The following CAST variants were observed in gnomAD, a reference collection of about 807,000 sequenced individuals.
CAST encodes the protein MIR583 host.
In CAST, 76 loss-of-function variants were observed where a neutral mutation model predicts 119.6. The ratio of observed to expected loss-of-function variants is 0.64; its 90% CI spans 0.53 to 0.77. CAST has a LOEUF of 0.77. CAST is among the 30% of genes least tolerant of loss of function. The pLI is 0.00. For synonymous variants in CAST, 319 were observed against 331.6 expected (o/e 0.96, Z 0.41); for missense variants, 953 against 946.5 (o/e 1.01, Z -0.09).
chr5:96,705,740 C>T (rs1461280625), intron 3 of CAST, among the ~76,000 whole-genome samples: 1 of 152,066 alleles, frequency 6.6e-6, no homozygotes, highest in East Asian at 1.9e-4. Flanking sequence ...GTAACAGCTA[C>T]ATTTACTGAA....
chr5:96,179,807 C>T, the CAST span, among the ~76,000 whole-genome samples: 7 of 152,162 alleles, frequency 4.6e-5, no homozygotes, highest in African/African-American at 1.4e-4. Context: ...GAGGCCGAGG[C>T]GGGTGGATCA....
chr5:95,974,464 T>G, the CAST span, among the ~76,000 whole-genome samples: 1 of 152,232 alleles, frequency 6.6e-6, no homozygotes, highest in Non-Finnish European at 1.5e-5. Flanking sequence ...TATTTCTTCC[T>G]GAAAAACAAA....
At chr5:96,287,599 T>C in the CAST span, among the ~76,000 whole-genome samples, 1 of 152,184 alleles carries the variant, frequency 6.6e-6, no homozygotes, top group Admixed American at 6.5e-5. Flanking sequence ...CAGATCTATT[T>C]GCATTTGTCC....
chr5:96,448,707 A>G, the CAST span, among the ~76,000 whole-genome samples: 1 of 152,080 alleles, frequency 6.6e-6, no homozygotes, highest in African/African-American at 2.4e-5. Context: ...GCCCAGGTTT[A>G]CCATATTCAC....
the CAST span, among the ~76,000 whole-genome samples, chr5:96,495,480 C>T: frequency 6.6e-6 from 1 of 152,110 alleles, no homozygotes; most frequent in East Asian, 1.9e-4. Context: ...CATGTGTTCT[C>T]ATTGTTCAGC....
intron 1 of CAST, among the ~76,000 whole-genome samples, chr5:96,666,284 C>CACCA (rs1335551672): frequency 1.6e-4 from 19 of 121,386 alleles, no homozygotes; most frequent in African/African-American, 6.9e-4. Flanking sequence ...ACACACCACA[C>CACCA]AACTCTGCAG....
intron 1 of CAST, among the ~76,000 whole-genome samples, chr5:96,555,633 A>G (rs1393993073): frequency 6.6e-6 from 1 of 152,188 alleles, no homozygotes; most frequent in African/African-American, 2.4e-5. Context: ...CATTGCTAGC[A>G]TAGCAGTCTG....
the CAST span, among the ~76,000 whole-genome samples, chr5:96,358,188 A>G: frequency 5.9e-5 from 9 of 152,028 alleles, no homozygotes; most frequent in African/African-American, 2.2e-4. Flanking sequence ...CCCCTCTATC[A>G]TTTTTTATTG....
the CAST span, among the ~76,000 whole-genome samples, chr5:96,281,614 C>A: frequency 6.6e-6 from 1 of 152,128 alleles, no homozygotes; most frequent in Non-Finnish European, 1.5e-5. Context: ...TCTGCCTTGC[C>A]ATCCCTGGTT....
chr5:96,078,551 G>A, the CAST span, among the ~76,000 whole-genome samples: 2 of 152,036 alleles, frequency 1.3e-5, no homozygotes, highest in African/African-American at 2.4e-5. Flanking sequence ...GTGCCACCAC[G>A]CCCGGCTAAT....
the CAST span, among the ~76,000 whole-genome samples, chr5:96,356,940 A>G: frequency 6.6e-6 from 1 of 152,118 alleles, no homozygotes; most frequent in African/African-American, 2.4e-5. Flanking sequence ...CCATTTTCAC[A>G]ATATTGATTC....
At chr5:96,438,341 A>G in the CAST span, among the ~76,000 whole-genome samples, 3 of 152,160 alleles carry the variant, frequency 2.0e-5, no homozygotes, top group Admixed American at 2.0e-4. Context: ...TATTAGCTAA[A>G]CCAAAACATT....
chr5:95,976,592 A>G, the CAST span, among the ~76,000 whole-genome samples: 2 of 152,098 alleles, frequency 1.3e-5, no homozygotes, highest in African/African-American at 4.8e-5. Context: ...ATACACTCCT[A>G]TCTCTTGTTT....
At chr5:96,459,037 T>C in the CAST span, among the ~76,000 whole-genome samples, 1 of 152,186 alleles carries the variant, frequency 6.6e-6, no homozygotes, top group Non-Finnish European at 1.5e-5. Flanking sequence ...TTTTTCATGT[T>C]TTGGTACCTA....
chr5:96,434,323 G>A, the CAST span, among the ~76,000 whole-genome samples: 4 of 152,322 alleles, frequency 2.6e-5, no homozygotes, highest in South Asian at 6.2e-4. Flanking sequence ...CAGCACCGAG[G>A]TCTGGACAGC....
the CAST span, among the ~76,000 whole-genome samples, chr5:96,222,808 A>G: frequency 6.6e-6 from 1 of 152,098 alleles, no homozygotes; most frequent in African/African-American, 2.4e-5. Context: ...TGATACCTGC[A>G]CCCCTATGTT....
intron 2 of CAST, among the ~76,000 whole-genome samples, chr5:96,691,642 T>C (rs1752740258): frequency 6.6e-6 from 1 of 152,180 alleles, no homozygotes; most frequent in Non-Finnish European, 1.5e-5. Flanking sequence ...TCAGGATATG[T>C]TGTAACTCAT....
At chr5:96,475,857 G>A in the CAST span, among the ~76,000 whole-genome samples, 1 of 152,202 alleles carries the variant, frequency 6.6e-6, no homozygotes, top group Non-Finnish European at 1.5e-5. Context: ...ATGACTTGTT[G>A]CAGGTCACGG....
chr5:96,199,185 G>A, the CAST span, among the ~76,000 whole-genome samples: 2 of 152,102 alleles, frequency 1.3e-5, no homozygotes, highest in East Asian at 1.9e-4. Flanking sequence ...TGAGATTTAA[G>A]TATGATTTCT....
Sources: gnomAD v4.1 joint callset for allele counts (sites outside exome capture counted in the v4.1 genomes callset) on GRCh38, gnomAD v4.1.1 for gene constraint, MANE v1.5 for transcripts, NCBI Gene and HGNC (gene_info 2026-07-23, HGNC 2026-07-21) for gene names.